RUNX1: variants seen among roughly 807,000 people sequenced by gnomAD.
The protein encoded by RUNX1 is RUNX family transcription factor 1, also known as runt-related transcription factor 1.
Under a neutral mutation model 42.8 loss-of-function variants are expected in RUNX1, and 19 were observed. The ratio of observed to expected loss-of-function variants is 0.44; its 90% confidence interval spans 0.31 to 0.65. RUNX1 has a LOEUF of 0.65. RUNX1 is among the 30% of genes least tolerant of loss of function. The probability of loss-of-function intolerance (pLI) is 0.07; values close to 1 mark genes in which losing one functional copy is unlikely to be tolerated. For synonymous variants in RUNX1, 271 were observed against 289.4 expected, an observed-to-expected ratio of 0.94 and a Z score of 0.64; for missense variants, 528 against 672.0, an observed-to-expected ratio of 0.79 and a Z score of 2.37.
At chr21:34,858,078 A>G (rs1157055277) in intron 6 of RUNX1, among the ~76,000 whole-genome samples, 3 of 152,236 alleles carry the variant, frequency 2.0e-5, no homozygotes, top group Non-Finnish European at 4.4e-5. Context: ...GAGGAACACC[A>G]TATCCTGGTG....
chr21:35,043,906 G>T lies in RUNX1; in HGVS notation c.58+4936C>A, dbSNP rs143959880. Among the ~76,000 whole-genome samples, 4 of 152,244 alleles carry T rather than the reference G, an allele frequency of 2.6e-5. No individual in the cohort carries two copies. In the East Asian group the frequency reaches 7.7e-4, roughly 29 times the overall value. On this transcript the variant is annotated intron_variant, in intron 2 of 8. Coordinates refer to ENST00000675419, the MANE Select transcript of RUNX1 (RefSeq NM_001754.5). Reference sequence around the variant, plus strand: ...CAGAGGCCCAGAGAACCTGCTCAAAGGTATACAGGCAAAATGGCCTTTTCC... The same window carrying T: ...CAGAGGCCCAGAGAACCTGCTCAAATGTATACAGGCAAAATGGCCTTTTCC...
rs562036763 is a variant in RUNX1, at chr21:34,972,569, G to C, written c.58+76273C>G. 1.4e-4 allele frequency among the ~76,000 whole-genome samples: 21 copies of C among 152,242 alleles called. No individual in the cohort carries two copies. The East Asian group carries it at 3.9e-3, about 28-fold the overall frequency. On this transcript the variant is annotated intron_variant, in intron 2 of 8. Transcript: ENST00000675419. ...TGAATCATATGTTACCATCACTAAAGACATTTGCTATTTGATAGAATTCTG... is the reference window on the plus strand; with the variant it reads ...TGAATCATATGTTACCATCACTAAACACATTTGCTATTTGATAGAATTCTG...
At chr21:35,015,059 T>C (rs1220298071) in intron 2 of RUNX1, among the ~76,000 whole-genome samples, 1 of 152,172 alleles carries the variant, frequency 6.6e-6, no homozygotes, top group Non-Finnish European at 1.5e-5. Flanking sequence ...AGAAAACAGC[T>C]GATGGAGAAG....
intron 3 of RUNX1, among the ~76,000 whole-genome samples, chr21:34,888,949 G>A (rs962693061): frequency 6.6e-6 from 1 of 151,378 alleles, no homozygotes; most frequent in East Asian, 1.9e-4. Context: ...ATGCTGGCCC[G>A]GGGCCCCGCC....
intron 2 of RUNX1, among the ~76,000 whole-genome samples, chr21:34,969,474 T>C (rs749775883): frequency 6.6e-6 from 1 of 151,832 alleles, no homozygotes; most frequent in Non-Finnish European, 1.5e-5. Flanking sequence ...CGTGGAGAAA[T>C]AGCAAAAGGA....
chr21:35,046,751 T>C (rs535281210), intron 2 of RUNX1, among the ~76,000 whole-genome samples: 1 of 152,312 alleles, frequency 6.6e-6, no homozygotes, highest in Non-Finnish European at 1.5e-5. Flanking sequence ...AAGATTTCAC[T>C]TGGCCCTCTG....
chr21:34,911,377 G>A (rs1457933655), intron 2 of RUNX1, among the ~76,000 whole-genome samples: 1 of 152,146 alleles, frequency 6.6e-6, no homozygotes, highest in African/African-American at 2.4e-5. Flanking sequence ...ACCCTGGGAG[G>A]GAGATCTTAC....
At chr21:34,948,356 G>C (rs1415742574) in intron 2 of RUNX1, among the ~76,000 whole-genome samples, 2 of 152,086 alleles carry the variant, frequency 1.3e-5, no homozygotes, top group African/African-American at 4.8e-5. Context: ...CCTCAAGCAA[G>C]AGTGACTTGC....
At chr21:34,857,754 C>T (rs2057515580) in intron 6 of RUNX1, among the ~76,000 whole-genome samples, 1 of 152,164 alleles carries the variant, frequency 6.6e-6, no homozygotes, top group South Asian at 2.1e-4. Flanking sequence ...AACAAACTTG[C>T]TTTGGTGTTT....
intron 2 of RUNX1, among the ~76,000 whole-genome samples, chr21:34,960,493 C>T (rs754920987): frequency 4.6e-5 from 7 of 152,214 alleles, no homozygotes; most frequent in Non-Finnish European, 8.8e-5. Flanking sequence ...TTGGAACATA[C>T]TGCAATAACT....
intron 2 of RUNX1, among the ~76,000 whole-genome samples, chr21:34,929,141 T>C (rs2248313): frequency 0.56 from 85,479 of 151,962 alleles, 24,601 homozygotes; most frequent in African/African-American, 0.7. Context: ...ACCTTTCAAA[T>C]TCAGTAATGC....
intron 2 of RUNX1, among the ~76,000 whole-genome samples, chr21:34,939,668 C>A (rs573291404): frequency 6.6e-6 from 1 of 152,124 alleles, no homozygotes; most frequent in Non-Finnish European, 1.5e-5. Flanking sequence ...TAGAGAGGAC[C>A]TAAAAAAACC....
chr21:34,954,592 T>C (rs2058631595), intron 2 of RUNX1, among the ~76,000 whole-genome samples: 1 of 152,190 alleles, frequency 6.6e-6, no homozygotes, highest in Non-Finnish European at 1.5e-5. Context: ...GACCAACTAA[T>C]TAGATTGTGG....
At chr21:34,994,278 AG>A (rs1469446518) in intron 2 of RUNX1, among the ~76,000 whole-genome samples, 1 of 152,212 alleles carries the variant, frequency 6.6e-6, no homozygotes, top group Non-Finnish European at 1.5e-5. Context: ...ACTGGGAAGG[AG>A]GATAAAATAT....
intron 2 of RUNX1, among the ~76,000 whole-genome samples, chr21:34,909,382 T>C (rs536706553): frequency 2.6e-5 from 4 of 152,110 alleles, no homozygotes; most frequent in African/African-American, 9.7e-5. Context: ...GCACATCAGA[T>C]AGGTTTATTA....
At chr21:34,917,749 A>G (rs2058322432) in intron 2 of RUNX1, among the ~76,000 whole-genome samples, 1 of 152,180 alleles carries the variant, frequency 6.6e-6, no homozygotes, top group African/African-American at 2.4e-5. Context: ...AGGCAAGTCA[A>G]TCATCATCAC....
intron 2 of RUNX1, among the ~76,000 whole-genome samples, chr21:34,958,329 C>T (rs1344191956): frequency 2.0e-5 from 3 of 152,040 alleles, no homozygotes; most frequent in Non-Finnish European, 4.4e-5. Context: ...CTTCCTTGCT[C>T]TAAAGACTCA....
At chr21:35,034,746 AC>A (rs1190861779) in intron 2 of RUNX1, among the ~76,000 whole-genome samples, 1 of 152,092 alleles carries the variant, frequency 6.6e-6, no homozygotes, top group Non-Finnish European at 1.5e-5. Context: ...AGGTCGGGAA[AC>A]CCTGTCTGGT....
chr21:34,843,027 G>A lies in RUNX1; in HGVS notation c.614-8426C>T, dbSNP rs1296915784. Among the ~76,000 whole-genome samples, 1 of 152,092 alleles carries A rather than the reference G, an allele frequency of 6.6e-6. No individual in the cohort carries two copies. The highest frequency in any genetic ancestry group is 1.5e-5 in the Non-Finnish European group (1 of 68,008). ...AGAAGTTGCAATGAGCCAAGATCATGCCAGTGCACTCCAGCCTGAGCGACA... is the reference window on the plus strand; with the variant it reads ...AGAAGTTGCAATGAGCCAAGATCATACCAGTGCACTCCAGCCTGAGCGACA... On this transcript the variant is annotated intron_variant, in intron 6 of 8. Coordinates refer to ENST00000675419, the MANE Select transcript of RUNX1 (RefSeq NM_001754.5). The surrounding 1 kb of genome is among the most constrained non-coding windows in gnomAD (Gnocchi z 4.8).
Sources: allele counts gnomAD v4.1 joint callset (sites outside exome capture counted in the v4.1 genomes callset), GRCh38; gene constraint gnomAD v4.1.1; non-coding constraint Gnocchi (gnomAD v3.1); transcripts MANE v1.5; gene names NCBI Gene and HGNC (gene_info 2026-07-23, HGNC 2026-07-21).